Variants in ASIC2 observed in about 807,000 individuals in gnomAD.
ASIC2 encodes the protein acid sensing ion channel subunit 2.
ASIC2 carries 25 observed loss-of-function variants against 57.3 expected under a neutral mutation model. That is an observed-to-expected ratio of 0.44 (90% CI 0.32 to 0.61). The LOEUF is 0.61. Among genes scored for constraint, ASIC2 ranks in the 20% least tolerant of loss-of-function variants. The pLI, the probability that ASIC2 is intolerant of heterozygous loss-of-function variation, is 0.06. For synonymous variants in ASIC2, 319 were observed against 307.5 expected, an observed-to-expected ratio of 1.04 and a Z score of -0.39; for missense variants, 641 against 738.1, an observed-to-expected ratio of 0.87 and a Z score of 1.52.
intron 1 of ASIC2, among the ~76,000 whole-genome samples, chr17:33,586,282 G>C (rs897780150): frequency 6.6e-6 from 1 of 152,204 alleles, no homozygotes; most frequent in Admixed American, 6.5e-5. Flanking sequence ...TATATTCTCA[G>C]TCTGAGTTTA....
chr17:34,150,099 AC>A (rs1424355955), intron 1 of ASIC2, among the ~76,000 whole-genome samples: 4 of 152,246 alleles, frequency 2.6e-5, no homozygotes, highest in Non-Finnish European at 5.9e-5. Flanking sequence ...ACATAGATGA[AC>A]CTGGAGGACA....
intron 1 of ASIC2, among the ~76,000 whole-genome samples, chr17:33,977,750 G>A (rs73990114): frequency 0.022 from 3,421 of 152,222 alleles, 118 homozygotes; most frequent in African/African-American, 0.078. Flanking sequence ...CTGAGTATAC[G>A]TAGGTTTCCT....
intron 1 of ASIC2, among the ~76,000 whole-genome samples, chr17:33,408,876 G>A (rs1409818393): frequency 6.6e-6 from 1 of 152,210 alleles, no homozygotes; most frequent in Non-Finnish European, 1.5e-5. Context: ...AAATGCTCAA[G>A]CAATGCTCAG....
intron 1 of ASIC2, among the ~76,000 whole-genome samples, chr17:33,604,779 C>T (rs183196357): frequency 6.6e-6 from 1 of 152,166 alleles, no homozygotes; most frequent in African/African-American, 2.4e-5. Flanking sequence ...GTCAGACCCA[C>T]CTAAGCCTTT....
intron 1 of ASIC2, among the ~76,000 whole-genome samples, chr17:33,140,793 C>A (rs1461738010): frequency 1.3e-5 from 2 of 152,248 alleles, no homozygotes; most frequent in Non-Finnish European, 2.9e-5. Context: ...AAATAAGCTG[C>A]TCTGTGAGAC....
chr17:33,781,748 T>C lies in ASIC2; in HGVS notation c.555+374230A>G, dbSNP rs553664301. Among the ~76,000 whole-genome samples the C allele has an allele frequency of 9.2e-5, 14 of 152,240 alleles. No homozygotes were observed. In the East Asian group the frequency reaches 2.7e-3, roughly 29 times the overall value. On this transcript the variant is annotated intron_variant, in intron 1 of 9. Transcript: ENST00000359872. ...AGTCTTTGCTGTCCCCACCTCCCCT[T>C]CCTGATTTCCCAGTCTCCCACATAG...
intron 7 of ASIC2, among the ~76,000 whole-genome samples, chr17:33,020,991 C>G (rs2091833076): frequency 6.6e-6 from 1 of 152,218 alleles, no homozygotes; most frequent in East Asian, 1.9e-4. Context: ...GAAAATGAAG[C>G]CAAGATTGGG....
intron 1 of ASIC2, among the ~76,000 whole-genome samples, chr17:33,748,387 A>G (rs2142102608): frequency 6.6e-6 from 1 of 152,366 alleles, no homozygotes; most frequent in African/African-American, 2.4e-5. Context: ...AGAGCAGTTT[A>G]TGGAAACTCC....
At chr17:33,332,255 G>C (rs566845734) in intron 1 of ASIC2, among the ~76,000 whole-genome samples, 1 of 152,232 alleles carries the variant, frequency 6.6e-6, no homozygotes, top group Admixed American at 6.5e-5. Flanking sequence ...TACAATGTGA[G>C]ACACACATGC....
chr17:33,846,519 A>G (rs1913608211), intron 1 of ASIC2, among the ~76,000 whole-genome samples: 1 of 152,158 alleles, frequency 6.6e-6, no homozygotes, highest in African/African-American at 2.4e-5. Flanking sequence ...AGCTAGCTCT[A>G]AATTAAGCAG....
At chr17:33,790,738 C>A (rs558754808) in intron 1 of ASIC2, among the ~76,000 whole-genome samples, 1 of 152,218 alleles carries the variant, frequency 6.6e-6, no homozygotes, top group African/African-American at 2.4e-5. Context: ...TCTATCATCT[C>A]TTATTGGGTT....
chr17:33,692,460 A>T (rs1410425360), intron 1 of ASIC2: 1 of 152,232 alleles, frequency 6.6e-6, no homozygotes, highest in East Asian at 1.9e-4. Flanking sequence ...ATGATTATTA[A>T]CATAAGGTAC....
At chr17:34,038,706 T>C in intron 1 of ASIC2, 1 of 1,603,104 alleles carries the variant, frequency 6.2e-7, no homozygotes, top group Non-Finnish European at 8.5e-7. Context: ...TGACCTAATC[T>C]GAGTTTGAAG....
intron 2 of ASIC2, among the ~76,000 whole-genome samples, chr17:33,092,044 G>T (rs548666116): frequency 2.0e-5 from 3 of 152,316 alleles, no homozygotes; most frequent in South Asian, 4.1e-4. Flanking sequence ...CAGAGCTGAG[G>T]GGGTGACGAG....
At chr17:33,867,242 A>G (rs1451868848) in intron 1 of ASIC2, among the ~76,000 whole-genome samples, 1 of 146,334 alleles carries the variant, frequency 6.8e-6, no homozygotes, top group Non-Finnish European at 1.5e-5. Flanking sequence ...TTAGATTTTC[A>G]GGCTGGCTGA....
chr17:33,611,449 AGTT>A (rs1168360730), intron 1 of ASIC2, among the ~76,000 whole-genome samples: 1 of 152,224 alleles, frequency 6.6e-6, no homozygotes, highest in Non-Finnish European at 1.5e-5. Flanking sequence ...CATATCCGTC[AGTT>A]GTTGCTGATA....
chr17:33,750,893 T>C (rs1910410126), intron 1 of ASIC2, among the ~76,000 whole-genome samples: 1 of 152,136 alleles, frequency 6.6e-6, no homozygotes, highest in South Asian at 2.1e-4. Context: ...TCCAGTTTCC[T>C]GGGGAAACAC....
At chr17:33,362,106 A>G (rs547131727) in intron 1 of ASIC2, among the ~76,000 whole-genome samples, 11 of 152,310 alleles carry the variant, frequency 7.2e-5, no homozygotes, top group African/African-American at 2.2e-4. Context: ...TTCCTCCTAC[A>G]TAGATTGGCT....
chr17:33,589,194 C>T (rs756753237), intron 1 of ASIC2, among the ~76,000 whole-genome samples: 1 of 152,160 alleles, frequency 6.6e-6, no homozygotes, highest in Non-Finnish European at 1.5e-5. Flanking sequence ...TCCAGGAGCT[C>T]AGAGCTTAGT....
Sources: allele counts gnomAD v4.1 joint callset (sites outside exome capture counted in the v4.1 genomes callset), GRCh38; gene constraint gnomAD v4.1.1; transcripts MANE v1.5; gene names NCBI Gene and HGNC (gene_info 2026-07-23, HGNC 2026-07-21).